Variants in ZNF260 observed in about 807,000 individuals in gnomAD.
ZNF260 encodes the protein zinc finger protein 260.
ZNF260 carries 21 observed loss-of-function variants against 29.3 expected under a neutral mutation model. That is an observed-to-expected ratio of 0.72 (90% CI 0.51 to 1.03). The LOEUF (loss-of-function observed/expected upper bound fraction) is 1.03, where lower values mean the gene tolerates loss of function less well. Among genes scored for constraint, ZNF260 ranks in the 50% least tolerant of loss-of-function variants. The pLI is 0.00. For synonymous variants in ZNF260, 156 were observed against 156.8 expected, an observed-to-expected ratio of 0.99 and a Z score of 0.04; for missense variants, 465 against 487.8, an observed-to-expected ratio of 0.95 and a Z score of 0.44.
In ZNF260 at chr19:36,510,972, A is replaced by AATATG. The variant is rs1331217457; in HGVS notation, c.*3023_*3027dup. On this transcript the variant is annotated 3_prime_UTR_variant, in exon 3 of 3. Transcript: ENST00000523638. ...AAGCACATGGGCAAAACACTTAAAA[A>AATATG]ATATGAAAGATTATTTAAGTAAAGC... is the stretch of plus-strand genomic sequence containing the variant. 6.6e-6 allele frequency: 1 copy of AATATG among 152,204 alleles called. No homozygotes were observed. The highest frequency in any genetic ancestry group is 1.5e-5 in the Non-Finnish European group (1 of 68,038). The allele number at this position is 152,204 out of a possible 1,614,324, so 9.4% of individuals were successfully genotyped here.
Position 36,515,044 on chromosome 19 carries a change from A to G in ZNF260, c.195T>C (p.Ser65=). 6.2e-7 allele frequency: 1 copy of G among 1,614,136 alleles called. No homozygotes were observed. Among genetic ancestry groups the G allele is most frequent in the South Asian group, 1.1e-5 (1 of 91,084 alleles). ...GGTGTAGAGTAAGAGATGAGACTCG[A>G]GAGCACACTTTACCACATTCAGTGC... ...HECTECGKVC[S]RVSSLTLHLR... The change falls in exon 3 of 3, where the codon TCT becomes TCC. Residue 65 remains serine (S), a synonymous_variant. Coordinates refer to ENST00000523638, the MANE Select transcript of ZNF260 (RefSeq NM_001166037.2).
intron 2 of ZNF260, among the ~76,000 whole-genome samples, chr19:36,522,850 T>C (rs2034669541): frequency 6.6e-6 from 1 of 152,250 alleles, no homozygotes; most frequent in African/African-American, 2.4e-5. Context: ...ATGAGTGTTA[T>C]GTGACCAAGA....
chr19:36,512,999 A>G lies in ZNF260; in HGVS notation c.*1001T>C, dbSNP rs1197791505. The G allele has an allele frequency of 6.6e-6, 1 of 152,214 alleles. No individual in the cohort carries two copies. Among genetic ancestry groups the G allele is most frequent in the East Asian group, 1.9e-4 (1 of 5,200 alleles). 9.4% of individuals were successfully genotyped at this position (152,214 alleles called of 1,614,324 possible). ...CACCACAGTTCATAAATAGTTGAGA[A>G]CAGTACAATAAGGTATTCTGAGAGA... On this transcript the variant is annotated 3_prime_UTR_variant, in exon 3 of 3. Coordinates refer to ENST00000523638, the MANE Select transcript of ZNF260 (RefSeq NM_001166037.2).
intron 2 of ZNF260, among the ~76,000 whole-genome samples, chr19:36,521,705 G>A (rs1738304913): frequency 6.6e-6 from 1 of 151,838 alleles, no homozygotes; most frequent in African/African-American, 2.4e-5. Flanking sequence ...AGTGAGCCAA[G>A]ATTGTGCCAC....
intron 2 of ZNF260, among the ~76,000 whole-genome samples, chr19:36,522,056 T>TA (rs1052718841): frequency 1.5e-4 from 22 of 151,232 alleles, no homozygotes; most frequent in Non-Finnish European, 1.3e-4. Context: ...CTCAAACAAA[T>TA]AAAAAAAATA....
chr19:36,522,109 C>T (rs144532239), intron 2 of ZNF260, among the ~76,000 whole-genome samples: 2 of 151,834 alleles, frequency 1.3e-5, no homozygotes, highest in African/African-American at 4.8e-5. Context: ...TCAAAATGCT[C>T]TAATGGCAAG....
At chr19:36,526,428 T>C (rs544409528) in intron 1 of ZNF260, among the ~76,000 whole-genome samples, 21 of 152,084 alleles carry the variant, frequency 1.4e-4, no homozygotes, top group South Asian at 6.2e-4. Flanking sequence ...GTACCTCAGC[T>C]ACTTGGGAGG....
In ZNF260 at chr19:36,514,169, T is replaced by C; in HGVS notation, c.1070A>G (p.Glu357Gly). The C allele has an allele frequency of 6.2e-7, 1 of 1,614,160 alleles. No individual in the cohort carries two copies. Among genetic ancestry groups the C allele is most frequent in the Non-Finnish European group, 8.5e-7 (1 of 1,180,008 alleles). ...ACATTCATTACAACCATAGGGTTTC[T>C]CACCTGTATGGCTTCTCATATGCAC... ...LTVHMRSHTG[E>G]KPYGCNECGK... Residue 357 changes from glutamate to glycine, a missense_variant, in exon 3 of 3, where the codon GAG becomes GGG. Glu to Gly is a moderately conservative substitution (Grantham distance 98). Transcript: ENST00000523638.
chr19:36,514,669 C>T lies in ZNF260; in HGVS notation c.570G>A (p.Lys190=). The change falls in exon 3 of 3, where the codon AAG becomes AAA. Residue 190 remains lysine (K), a synonymous_variant. Coordinates refer to ENST00000523638, the MANE Select transcript of ZNF260 (RefSeq NM_001166037.2). ...TTCCACACTCACTACATTTAAAGGGCTTCTTTCCAGTATGGATGTTCTGAT... is the reference window on the plus strand; with the variant it reads ...TTCCACACTCACTACATTTAAAGGGTTTCTTTCCAGTATGGATGTTCTGAT... ...IKHQNIHTGK[K]PFKCSECGKA... 3.1e-6 allele frequency: 5 copies of T among 1,613,874 alleles called. No homozygotes were observed. The highest frequency in any genetic ancestry group is 4.2e-6 in the Non-Finnish European group (5 of 1,179,976).
Position 36,515,206 on chromosome 19 carries a change from T to C in ZNF260, c.33A>G (p.Glu11=), listed in dbSNP as rs1267243668. MIGMLESLQH[E]SDLLQHDQIH... ...TTTGATCATGCTGAAGGAGATCTGA[T>C]TCATGCTGAAGACTTTCCAACATGC... Residue 11 remains glutamate, a synonymous_variant, in exon 3 of 3, where the codon GAA becomes GAG. Coordinates refer to ENST00000523638, the MANE Select transcript of ZNF260 (RefSeq NM_001166037.2). The C allele has an allele frequency of 1.9e-6, 3 of 1,595,912 alleles. No homozygotes were observed. In the Admixed American group the frequency reaches 5.2e-5, roughly 28 times the overall value.
chr19:36,516,983 G>A (rs1335218058), intron 2 of ZNF260, among the ~76,000 whole-genome samples: 1 of 152,178 alleles, frequency 6.6e-6, no homozygotes, highest in East Asian at 1.9e-4. Flanking sequence ...AAAATGAACA[G>A]AAAAGTTTAA....
intron 2 of ZNF260, among the ~76,000 whole-genome samples, chr19:36,516,596 T>G (rs994173105): frequency 2.0e-5 from 3 of 152,158 alleles, no homozygotes; most frequent in African/African-American, 7.2e-5. Flanking sequence ...TTTATTTTTT[T>G]GGGTCGGAGT....
Position 36,513,834 on chromosome 19 carries a change from C to G in ZNF260, c.*166G>C. ...TGGGAGTTTTGGGGGTACGGGTTTT[C>G]TTTACACTATAATACTTATTAAACA... On this transcript the variant is annotated 3_prime_UTR_variant, in exon 3 of 3. Coordinates refer to ENST00000523638, the MANE Select transcript of ZNF260 (RefSeq NM_001166037.2). 1.4e-6 allele frequency: 1 copy of G among 731,522 alleles called. No individual in the cohort carries two copies. The highest frequency in any genetic ancestry group is 2.2e-6 in the Non-Finnish European group (1 of 459,818). 45.3% of individuals were successfully genotyped at this position (731,522 alleles called of 1,614,324 possible). A position where few individuals can be genotyped will look rare whatever the true frequency, so the allele number is the denominator to read the frequency against.
In ZNF260 at chr19:36,515,406, A is replaced by G. The variant is rs73931036; in HGVS notation, c.-168T>C. 459 of 630,012 alleles carry G rather than the reference A, an allele frequency of 7.3e-4. 1 individual carries two copies. The African/African-American group carries it at 7.6e-3, about 10-fold the overall frequency. 39.0% of individuals were successfully genotyped at this position (630,012 alleles called of 1,614,324 possible). On this transcript the variant is annotated 5_prime_UTR_variant, in exon 3 of 3. Coordinates refer to ENST00000523638, the MANE Select transcript of ZNF260 (RefSeq NM_001166037.2). The stretch of plus-strand genomic sequence containing the variant: ...GACTTTTCTCACATTGATTACCCTG[A>G]GATGAGATGATTACAAAAAGGGATA...
At chr19:36,516,364 G>A (rs2034550009) in intron 2 of ZNF260, among the ~76,000 whole-genome samples, 2 of 152,140 alleles carry the variant, frequency 1.3e-5, no homozygotes, top group South Asian at 2.1e-4. Context: ...GGAAGGGTGA[G>A]GCAGGAAAAT....
In ZNF260 at chr19:36,528,200, G is replaced by GGGCCGAAACCCAAGTCCCACAT. The variant is rs2034768520; in HGVS notation, c.-681+18_-681+19insATGTGGGACTTGGGTTTCGGCC. 6.6e-6 allele frequency: 1 copy of GGGCCGAAACCCAAGTCCCACAT among 152,492 alleles called. No homozygotes were observed. Among genetic ancestry groups the GGGCCGAAACCCAAGTCCCACAT allele is most frequent in the African/African-American group, 2.4e-5 (1 of 41,432 alleles). The allele number at this position is 152,492 out of a possible 1,614,324, so 9.4% of individuals were successfully genotyped here. On this transcript the variant is annotated intron_variant, in intron 1 of 2. Coordinates refer to ENST00000523638, the MANE Select transcript of ZNF260 (RefSeq NM_001166037.2). ...AGTGTCCAGAAACCCAAGTCCCACA[G>GGGCCGAAACCCAAGTCCCACAT]GGCCGAAACCCAACTCACCGGCAGA...
At position 36,523,345 on chromosome 19, in the gene ZNF260, G is replaced by A. The variant is rs2034676449; in HGVS notation, c.-462+1810C>T. Among the ~76,000 whole-genome samples, 3 of 151,998 alleles carry A rather than the reference G, an allele frequency of 2.0e-5. No homozygotes were observed. In the South Asian group the frequency reaches 6.2e-4, roughly 32 times the overall value. The stretch of plus-strand genomic sequence containing the variant: ...CTACTTTAGCTTTCAACTCTTTACA[G>A]TTCTCAACACAGCAGCCACAGTAAT... On this transcript the variant is annotated intron_variant, in intron 2 of 2. Coordinates refer to ENST00000523638, the MANE Select transcript of ZNF260 (RefSeq NM_001166037.2).
At chr19:36,522,222 A>C (rs998036029) in intron 2 of ZNF260, among the ~76,000 whole-genome samples, 23 of 152,094 alleles carry the variant, frequency 1.5e-4, no homozygotes, top group Admixed American at 1.2e-3. Context: ...TGGGAGGCCG[A>C]GGTGAGTGGA....
intron 2 of ZNF260, among the ~76,000 whole-genome samples, chr19:36,519,693 C>G (rs886462537): frequency 6.6e-6 from 1 of 152,018 alleles, no homozygotes; most frequent in Non-Finnish European, 1.5e-5. Context: ...ACAAAATACT[C>G]TGACCAAAAA....
Sources: allele counts gnomAD v4.1 joint callset (sites outside exome capture counted in the v4.1 genomes callset), GRCh38; gene constraint gnomAD v4.1.1; transcripts MANE v1.5; gene names NCBI Gene and HGNC (gene_info 2026-07-23, HGNC 2026-07-21).